Variants in PBX3 observed in about 807,000 individuals in gnomAD.
PBX3 encodes the protein pre-B-cell leukemia transcription factor 3.
In PBX3, 14 loss-of-function variants were observed where a neutral mutation model predicts 48.5. The ratio of observed to expected loss-of-function variants is 0.29; its 90% CI spans 0.19 to 0.45. The LOEUF (loss-of-function observed/expected upper bound fraction) is 0.45. PBX3 is among the 20% of genes least tolerant of loss of function. PBX3 has a pLI of 1.00. For missense variants in PBX3, 386 were observed against 546.7 expected (o/e 0.71, Z 2.93); for synonymous variants, 210 against 200.3 (o/e 1.05, Z -0.41).
intron 3 of PBX3, among the ~76,000 whole-genome samples, chr9:125,919,263 G>C (rs113935239): frequency 1.5e-3 from 227 of 151,702 alleles, no homozygotes; most frequent in African/African-American, 5.0e-3. Flanking sequence ...ACGCAGGCTG[G>C]AGTGCAGTGG....
At chr9:125,800,456 T>C (rs1186944371) in intron 2 of PBX3, among the ~76,000 whole-genome samples, 1 of 152,228 alleles carries the variant, frequency 6.6e-6, no homozygotes, top group Non-Finnish European at 1.5e-5. Context: ...ATTCTATGCT[T>C]AGCAGTAAAT....
intron 5 of PBX3, among the ~76,000 whole-genome samples, chr9:125,941,553 A>G (rs1588321241): frequency 6.6e-6 from 1 of 152,336 alleles, no homozygotes; most frequent in East Asian, 1.9e-4. Context: ...GGTTCTGGAT[A>G]AATTGTGAAG....
At chr9:125,931,106 T>C (rs1229997732) in intron 4 of PBX3, among the ~76,000 whole-genome samples, 1 of 152,242 alleles carries the variant, frequency 6.6e-6, no homozygotes, top group Non-Finnish European at 1.5e-5. Context: ...ATAAATGTTT[T>C]ACAATATTCT....
At chr9:125,940,483 A>G (rs149586945) in intron 5 of PBX3, among the ~76,000 whole-genome samples, 70 of 152,370 alleles carry the variant, frequency 4.6e-4, no homozygotes, top group Non-Finnish European at 8.2e-4. Context: ...GAACTTAACC[A>G]GACAGACCCA....
chr9:125,750,778 T>TGGG (rs1836351903), intron 2 of PBX3, among the ~76,000 whole-genome samples: 1 of 152,216 alleles, frequency 6.6e-6, no homozygotes, highest in African/African-American at 2.4e-5. Context: ...GGTAGAGGCA[T>TGGG]CTTCCTGCTA....
chr9:125,888,197 C>T (rs906258757), intron 2 of PBX3, among the ~76,000 whole-genome samples: 11 of 152,072 alleles, frequency 7.2e-5, no homozygotes, highest in African/African-American at 2.6e-4. Context: ...GAATATAATA[C>T]CTTTAATTTG....
chr9:125,869,979 A>T (rs1840077117), intron 2 of PBX3, among the ~76,000 whole-genome samples: 2 of 152,014 alleles, frequency 1.3e-5, no homozygotes, highest in South Asian at 2.1e-4. Context: ...GTGGACTCAC[A>T]GTTCCACGTG....
intron 2 of PBX3, among the ~76,000 whole-genome samples, chr9:125,780,184 C>T (rs1283477008): frequency 3.7e-5 from 5 of 135,910 alleles, no homozygotes; most frequent in South Asian, 2.3e-4. Context: ...GCTGGCCGGG[C>T]GAGGTGCTGA....
intron 2 of PBX3, among the ~76,000 whole-genome samples, chr9:125,854,767 G>A (rs933960724): frequency 6.6e-6 from 1 of 152,184 alleles, no homozygotes; most frequent in African/African-American, 2.4e-5. Flanking sequence ...TAGGACAATT[G>A]AAAGGGAACT....
At chr9:125,905,307 A>C (rs186277122) in intron 2 of PBX3, among the ~76,000 whole-genome samples, 1 of 152,028 alleles carries the variant, frequency 6.6e-6, no homozygotes, top group Non-Finnish European at 1.5e-5. Flanking sequence ...GCCAATATCC[A>C]TCCTCCTAAC....
chr9:125,945,067 A>G (rs937869843), intron 5 of PBX3, among the ~76,000 whole-genome samples: 1 of 152,112 alleles, frequency 6.6e-6, no homozygotes, highest in Non-Finnish European at 1.5e-5. Flanking sequence ...TACTAAAAAT[A>G]CAAAAAATTA....
chr9:125,924,248 T>G lies in PBX3; in HGVS notation c.517-5407T>G, dbSNP rs1045213714. 3.9e-5 allele frequency among the ~76,000 whole-genome samples: 6 copies of G among 152,140 alleles called. No homozygotes were observed. The South Asian group carries it at 1.2e-3, about 32-fold the overall frequency. ...TTTTAAAAACAAAAAACCTTAAAAT[T>G]TAGTGAGAAGAATGGCCTTACTTTT... On this transcript the variant is annotated intron_variant, in intron 3 of 8. Transcript: ENST00000373489.
chr9:125,808,946 T>C (rs1838206794), intron 2 of PBX3, among the ~76,000 whole-genome samples: 1 of 152,216 alleles, frequency 6.6e-6, no homozygotes. Context: ...ATCACAGCCT[T>C]CTTGTCCTTA....
chr9:125,802,359 ATTTTTTTTTTTTT>A (rs57805307), intron 2 of PBX3, among the ~76,000 whole-genome samples: 8 of 67,762 alleles, frequency 1.2e-4, no homozygotes, highest in South Asian at 1.7e-3. Context: ...ACATTAGTGC[ATTTTTTTTTTTTT>A]TTTTTTTTTT....
chr9:125,906,427 C>T (rs188026224), intron 2 of PBX3, among the ~76,000 whole-genome samples: 2 of 152,056 alleles, frequency 1.3e-5, no homozygotes, highest in Admixed American at 1.3e-4. Flanking sequence ...CAGTGGGTAT[C>T]TGCTATTCAT....
chr9:125,952,851 C>G (rs1389652957), intron 5 of PBX3, among the ~76,000 whole-genome samples: 1 of 151,968 alleles, frequency 6.6e-6, no homozygotes, highest in Non-Finnish European at 1.5e-5. Flanking sequence ...TTGGATGATA[C>G]CTGAAAACAC....
chr9:125,858,498 C>T (rs1386740954), intron 2 of PBX3, among the ~76,000 whole-genome samples: 1 of 151,944 alleles, frequency 6.6e-6, no homozygotes, highest in African/African-American at 2.4e-5. Flanking sequence ...ATGACTGTTT[C>T]TTAAAAATCA....
intron 2 of PBX3, among the ~76,000 whole-genome samples, chr9:125,805,705 C>G (rs533980659): frequency 5.9e-5 from 9 of 152,262 alleles, no homozygotes; most frequent in African/African-American, 2.2e-4. Flanking sequence ...GGCATGAACA[C>G]TTGGTTAAAT....
rs1207757566 is a variant in PBX3, at chr9:125,965,827, T to G, written c.1213-4T>G. On this transcript the variant is annotated splice_polypyrimidine_tract_variant and splice_region_variant and intron_variant, in intron 8 of 8. Coordinates refer to ENST00000373489, the MANE Select transcript of PBX3 (RefSeq NM_006195.6). ...CACCCGTTGAACTGTGTTTCTCCTT[T>G]CAGGCTAATGGAGGCTGGCAGGACG... 6.2e-7 allele frequency: 1 copy of G among 1,612,190 alleles called. No homozygotes were observed. The highest frequency in any genetic ancestry group is 1.3e-5 in the African/African-American group (1 of 74,888).
Sources: gnomAD v4.1 joint callset for allele counts (sites outside exome capture counted in the v4.1 genomes callset) on GRCh38, gnomAD v4.1.1 for gene constraint, MANE v1.5 for transcripts, NCBI Gene and HGNC (gene_info 2026-07-23, HGNC 2026-07-21) for gene names.